The following DNAH17 variants were observed in gnomAD, a reference collection of about 807,000 sequenced individuals.
The protein encoded by DNAH17 is dynein axonemal heavy chain 17, also known as axonemal beta dynein heavy chain 17.
Under a neutral mutation model 485.6 loss-of-function variants are expected in DNAH17, and 376 were observed. That is an observed-to-expected ratio of 0.77 (90% CI 0.71 to 0.84). The LOEUF (loss-of-function observed/expected upper bound fraction) is 0.84, where lower values mean the gene tolerates loss of function less well. Ranked by LOEUF, DNAH17 falls within the 40% of genes least tolerant of loss-of-function variation. The probability of loss-of-function intolerance (pLI) is 0.00; values close to 1 mark genes in which losing one functional copy is unlikely to be tolerated. For synonymous variants in DNAH17, 3,031 were observed against 2,405.9 expected, an observed-to-expected ratio of 1.26 and a Z score of -7.60; for missense variants, 6,370 against 5,839.3, an observed-to-expected ratio of 1.09 and a Z score of -2.96.
intron 51 of DNAH17, 195 bp downstream of exon 51, chr17:78,478,830 A>G: frequency 5.3e-6 from 3 of 566,150 alleles, no homozygotes; most frequent in Non-Finnish European, 9.4e-6. Context: ...CATCATCACG[A>G]CCATCACCAT....
chr17:78,516,994 T>A (rs1478945128), intron 25 of DNAH17, among the ~76,000 whole-genome samples: 1 of 152,238 alleles, frequency 6.6e-6, no homozygotes, highest in Non-Finnish European at 1.5e-5. Context: ...TCAATTCCAT[T>A]TAAAGTCATA....
At chr17:78,447,833 C>T (rs992951987) in intron 69 of DNAH17, among the ~76,000 whole-genome samples, 21 of 152,142 alleles carry the variant, frequency 1.4e-4, no homozygotes, top group African/African-American at 5.1e-4. Context: ...ATTAGTGTTG[C>T]CCAGCCTGGG....
chr17:78,473,690 G>C (rs779120082), intron 54 of DNAH17, among the ~76,000 whole-genome samples: 10 of 151,588 alleles, frequency 6.6e-5, no homozygotes, highest in Non-Finnish European at 1.2e-4. Context: ...GGCTGAGGCT[G>C]AGCACCCACA....
intron 1 of DNAH17, among the ~76,000 whole-genome samples, chr17:78,576,320 G>A (rs2092432219): frequency 1.3e-5 from 2 of 152,170 alleles, no homozygotes; most frequent in Non-Finnish European, 2.9e-5. Context: ...ATAGCATTTG[G>A]ATGCTATTCA....
chr17:78,552,666 A>G, intron 15 of DNAH17, 31 bp downstream of exon 15: 1 of 1,556,502 alleles, frequency 6.4e-7, no homozygotes, highest in Non-Finnish European at 8.9e-7. Flanking sequence ...CCCAAGTTTA[A>G]TCCAATGTGG....
rs763640265 is a variant in DNAH17, at chr17:78,558,182, T to C, written c.2104A>G (p.Ser702Gly). 8 of 1,613,710 alleles carry C rather than the reference T, an allele frequency of 5.0e-6. No homozygotes were observed. Among genetic ancestry groups the C allele is most frequent in the South Asian group, 2.2e-5 (2 of 91,024 alleles). ...AAAGTTTCGTTCTCTGAGAACAGAC[T>C]CTCCGCACTGTCTGGAATCTCTTTC... Reference protein sequence around the residue: ...QQKEIPDSAESLFSENETFRK... With the variant: ...QQKEIPDSAEGLFSENETFRK... Residue 702 changes from serine (S) to glycine (G), a missense_variant, in exon 14 of 81, where the codon AGT becomes GGT. Transcript: ENST00000389840.
chr17:78,515,096 C>G (rs562533330), intron 25 of DNAH17, 74 bp from the exon 26 acceptor site: 75 of 1,558,550 alleles, frequency 4.8e-5, no homozygotes, highest in Admixed American at 1.1e-4. Flanking sequence ...TCTTACCTTT[C>G]TGCACTTACT....
intron 56 of DNAH17, among the ~76,000 whole-genome samples, chr17:78,464,274 T>C (rs1209749222): frequency 6.6e-6 from 1 of 152,200 alleles, no homozygotes; most frequent in African/African-American, 2.4e-5. Context: ...TTTTTTGTTT[T>C]TTTGAGATGG....
intron 9 of DNAH17, among the ~76,000 whole-genome samples, chr17:78,568,655 G>A (rs1488018845): frequency 6.6e-6 from 1 of 152,106 alleles, no homozygotes; most frequent in Non-Finnish European, 1.5e-5. Context: ...GCGCAATCAT[G>A]ACTCACCACA....
In DNAH17 at chr17:78,455,663, G is replaced by T; in HGVS notation, c.10151C>A (p.Pro3384His). The T allele has an allele frequency of 6.4e-7, 1 of 1,556,790 alleles. No homozygotes were observed. Among genetic ancestry groups the T allele is most frequent in the Non-Finnish European group, 8.7e-7 (1 of 1,150,234 alleles). Residue 3384 changes from proline (P) to histidine (H), a missense_variant, in exon 63 of 81, where the codon CCT (proline) becomes CAT (histidine). Transcript: ENST00000389840. ...CCTTACCTTTAAGTTATGTATGTAAGGGATCCAGAATTTCTCCATCAGCTC... is the reference window on the plus strand; with the variant it reads ...CCTTACCTTTAAGTTATGTATGTAATGGATCCAGAATTTCTCCATCAGCTC... ...RNELMEKFWI[P>H]YIHNLKVPIP...
intron 57 of DNAH17, among the ~76,000 whole-genome samples, chr17:78,462,317 G>C (rs1031173240): frequency 2.0e-5 from 3 of 152,066 alleles, no homozygotes; most frequent in Admixed American, 2.0e-4. Flanking sequence ...GGAGGTCCCA[G>C]TCTGTTCACA....
At position 78,439,669 on chromosome 17, in the gene DNAH17, T is replaced by TG. The variant is rs1445014519; in HGVS notation, c.11678-453_11678-452insC. On this transcript the variant is annotated intron_variant, in intron 72 of 80. Transcript: ENST00000389840. The stretch of plus-strand genomic sequence containing the variant: ...GTAGCATGTATCAGTACTTCACTTT[T>TG]TTTTTTTTTTTTTTTTTTGAGATGG... 1.2e-3 allele frequency among the ~76,000 whole-genome samples: 164 copies of TG among 135,968 alleles called. 1 individual carries two copies. Among genetic ancestry groups the TG allele is most frequent in the Middle Eastern group, 3.6e-3 (1 of 276 alleles). 89.2% of individuals were successfully genotyped at this position (135,968 alleles called of 152,430 possible).
In DNAH17 at chr17:78,491,566, C is replaced by T; in HGVS notation, c.6546G>A (p.Leu2182=). Residue 2182 remains leucine, a synonymous_variant, in exon 43 of 81, where the codon CTG becomes CTA. Transcript: ENST00000389840. Reference sequence around the variant, plus strand: ...CCAGGTCTCGCATGATGGTGGAGAACAGGCCTGGGGGAGGCGCGTGGTATG... The same window carrying T: ...CCAGGTCTCGCATGATGGTGGAGAATAGGCCTGGGGGAGGCGCGTGGTATG... The part of the protein sequence containing the change: ...NPVTREWKDG[L]FSTIMRDLAN... The T allele has an allele frequency of 1.2e-6, 2 of 1,613,852 alleles. No individual in the cohort carries two copies. The highest frequency in any genetic ancestry group is 1.7e-4 in the Middle Eastern group (1 of 6,058).
At chr17:78,439,684 T>TC (rs1177613201) in intron 72 of DNAH17, among the ~76,000 whole-genome samples, 13 of 147,566 alleles carry the variant, frequency 8.8e-5, no homozygotes, top group Non-Finnish European at 1.8e-4. Flanking sequence ...TTTTTTTTTT[T>TC]TTTGAGATGG....
chr17:78,468,571 G>C, intron 55 of DNAH17, 46 bp downstream of exon 55: 3 of 1,584,278 alleles, frequency 1.9e-6, no homozygotes, highest in Non-Finnish European at 2.6e-6. Context: ...TAGGCCACGG[G>C]CACCAAGCTG....
chr17:78,558,418 CCT>C (rs2092075304), intron 13 of DNAH17, among the ~76,000 whole-genome samples, 164 bp from the exon 14 acceptor site: 1 of 135,344 alleles, frequency 7.4e-6, no homozygotes, highest in East Asian at 2.1e-4. Flanking sequence ...ACGTTTTCAC[CCT>C]GTTGGCTGAT....
chr17:78,563,082 G>T (rs1035296792), intron 11 of DNAH17, among the ~76,000 whole-genome samples: 1 of 152,218 alleles, frequency 6.6e-6, no homozygotes, highest in African/African-American at 2.4e-5. Flanking sequence ...AAACATGACT[G>T]CGAAGAGAGG....
intron 27 of DNAH17, 52 bp downstream of exon 27, chr17:78,510,332 C>A: frequency 6.3e-7 from 1 of 1,591,834 alleles, no homozygotes; most frequent in Non-Finnish European, 8.6e-7. Context: ...TTGGAGGGGG[C>A]AGTTTCAGGC....
intron 22 of DNAH17, among the ~76,000 whole-genome samples, chr17:78,529,153 G>T (rs888821227): frequency 6.6e-6 from 1 of 152,112 alleles, no homozygotes; most frequent in Non-Finnish European, 1.5e-5. Flanking sequence ...CGTTGCTCAG[G>T]CTGGTCTCAA....
Sources: allele counts gnomAD v4.1 joint callset (sites outside exome capture counted in the v4.1 genomes callset), GRCh38; gene constraint gnomAD v4.1.1; transcripts MANE v1.5; gene names NCBI Gene and HGNC (gene_info 2026-07-23, HGNC 2026-07-21).